Variants in SCN7A observed in about 807,000 individuals in gnomAD.
SCN7A encodes the protein sodium voltage-gated channel alpha subunit 7.
In SCN7A, 138 loss-of-function variants were observed where a neutral mutation model predicts 155.2. The ratio of observed to expected loss-of-function variants is 0.89; its 90% CI spans 0.77 to 1.02. The LOEUF (loss-of-function observed/expected upper bound fraction) is 1.02. SCN7A is among the 50% of genes least tolerant of loss of function. The probability of loss-of-function intolerance (pLI) is 0.00; values close to 1 mark genes in which losing one functional copy is unlikely to be tolerated. For synonymous variants in SCN7A, 693 were observed against 649.0 expected, an observed-to-expected ratio of 1.07 and a Z score of -1.03; for missense variants, 2,058 against 1,986.6, an observed-to-expected ratio of 1.04 and a Z score of -0.68.
chr2:166,435,052 CACAT>C (rs1479343618), intron 15 of SCN7A, among the ~76,000 whole-genome samples: 7 of 151,972 alleles, frequency 4.6e-5, no homozygotes, highest in Non-Finnish European at 8.8e-5. Flanking sequence ...CAAATATACA[CACAT>C]ACATTCATAT....
rs545290541 is a variant in SCN7A, at chr2:166,447,404, T to C, written c.1387+208A>G. On this transcript the variant is annotated intron_variant, in intron 12 of 25. Coordinates refer to ENST00000643258, the MANE Select transcript of SCN7A (RefSeq NM_002976.4). ...TGTTTTTAATGTTAAACAAAGAAAATTATTTGGTACTCTTTGGTCACTCTT... is the reference window on the plus strand; with the variant it reads ...TGTTTTTAATGTTAAACAAAGAAAACTATTTGGTACTCTTTGGTCACTCTT... Among the ~76,000 whole-genome samples the C allele has an allele frequency of 1.4e-3, 207 of 152,180 alleles. 1 individual carries two copies. Among genetic ancestry groups the C allele is most frequent in the Non-Finnish European group, 2.4e-3 (162 of 67,990 alleles).
At chr2:166,420,696 A>C (rs1464498535) in intron 20 of SCN7A, among the ~76,000 whole-genome samples, 1 of 152,046 alleles carries the variant, frequency 6.6e-6, no homozygotes, top group Admixed American at 6.6e-5. Flanking sequence ...TTAACATGTG[A>C]GTGATGAAGA....
intron 2 of SCN7A, among the ~76,000 whole-genome samples, chr2:166,481,418 CA>C (rs895534241): frequency 1.7e-4 from 26 of 151,890 alleles, no homozygotes; most frequent in African/African-American, 3.9e-4. Context: ...AAATTTACTA[CA>C]AAAAAATATA....
intron 16 of SCN7A, 95 bp downstream of exon 16, chr2:166,432,223 G>T: frequency 1.1e-6 from 1 of 886,492 alleles, no homozygotes; most frequent in Non-Finnish European, 1.7e-6. Flanking sequence ...AGAATTGAGT[G>T]GATAATCTGG....
intron 15 of SCN7A, chr2:166,436,421 T>TTCCTGAGGCC (rs1701840704): frequency 2.3e-6 from 1 of 441,640 alleles, no homozygotes; most frequent in African/African-American, 2.0e-5. Flanking sequence ...GATTGTAAGT[T>TTCCTGAGGCC]TCCTGAGGCC....
At chr2:166,416,443 C>T (rs1392681529) in intron 21 of SCN7A, among the ~76,000 whole-genome samples, 3 of 152,126 alleles carry the variant, frequency 2.0e-5, no homozygotes, top group Non-Finnish European at 4.4e-5. Flanking sequence ...ATGTCACCCC[C>T]GGCGGCCCAG....
intron 10 of SCN7A, among the ~76,000 whole-genome samples, chr2:166,459,478 T>C (rs11892533): frequency 0.013 from 1,928 of 152,268 alleles, 48 homozygotes; most frequent in African/African-American, 0.044. Context: ...TTTTGTTCAT[T>C]TCTGTACCCA....
At chr2:166,426,153 C>T (rs547596006) in intron 18 of SCN7A, among the ~76,000 whole-genome samples, 2 of 152,202 alleles carry the variant, frequency 1.3e-5, no homozygotes, top group South Asian at 4.1e-4. Flanking sequence ...CAAAATTTCA[C>T]ACTTGGGAAT....
In SCN7A at chr2:166,477,558, C is replaced by A; in HGVS notation, c.139G>T (p.Gly47Cys). ...CCATAAATAAATGGAAGCTTTTTGC[C>A]AACTTCCAAATCAGGAGTTGGCTTT... ...DLKPTPDLEVGKKLPFIYGNL... is the reference protein window; with the variant it reads ...DLKPTPDLEVCKKLPFIYGNL... The change falls in exon 3 of 26, where the codon GGC becomes TGC. Residue 47 changes from glycine to cysteine, a missense_variant. Gly to Cys is a radical substitution (Grantham distance 159, BLOSUM62 -3). Coordinates refer to ENST00000643258, the MANE Select transcript of SCN7A (RefSeq NM_002976.4). 6.4e-7 allele frequency: 1 copy of A among 1,572,300 alleles called. No homozygotes were observed. The highest frequency in any genetic ancestry group is 8.6e-7 in the Non-Finnish European group (1 of 1,156,654).
At chr2:166,446,950 T>C (rs1702077423) in intron 12 of SCN7A, among the ~76,000 whole-genome samples, 1 of 152,108 alleles carries the variant, frequency 6.6e-6, no homozygotes, top group South Asian at 2.1e-4. Context: ...GGATGATGGG[T>C]TGATGGATGC....
intron 18 of SCN7A, among the ~76,000 whole-genome samples, chr2:166,426,422 A>G (rs1701626455): frequency 6.6e-6 from 1 of 152,022 alleles, no homozygotes; most frequent in African/African-American, 2.4e-5. Context: ...CTTTGCTCCC[A>G]GAATAGGGCA....
chr2:166,465,472 T>C lies in SCN7A; in HGVS notation c.931A>G (p.Thr311Ala). The C allele has an allele frequency of 6.2e-7, 1 of 1,609,212 alleles. No individual in the cohort carries two copies. Among genetic ancestry groups the C allele is most frequent in the Non-Finnish European group, 8.5e-7 (1 of 1,176,946 alleles). ...ERYALLCGNR[T>A]DAGQCPEGYV... ...ACTAATACCACCTACCCAGCATCTG[T>C]CCTGTTGCCACAAAGGAGAGCATAT... is the stretch of plus-strand genomic sequence containing the variant. The change falls in exon 9 of 26, where the codon ACA becomes GCA. Residue 311 changes from threonine to alanine, a missense_variant. Transcript: ENST00000643258.
At chr2:166,406,898 G>A (rs1701088794) in intron 25 of SCN7A, among the ~76,000 whole-genome samples, 1 of 151,910 alleles carries the variant, frequency 6.6e-6, no homozygotes, top group African/African-American at 2.4e-5. Context: ...TCATCTAAGA[G>A]TATTACAGAT....
intron 6 of SCN7A, among the ~76,000 whole-genome samples, chr2:166,470,976 C>T (rs1702642252): frequency 6.6e-6 from 1 of 151,760 alleles, no homozygotes; most frequent in Non-Finnish European, 1.5e-5. Context: ...ATATTCTATA[C>T]TATGTTCATA....
chr2:166,425,851 T>C (rs769984323), intron 18 of SCN7A, among the ~76,000 whole-genome samples: 2 of 152,130 alleles, frequency 1.3e-5, no homozygotes, highest in Non-Finnish European at 2.9e-5. Flanking sequence ...TCAAAGGTTC[T>C]GGGGATTATG....
chr2:166,490,073 A>G (rs1575073126), intron 1 of SCN7A, among the ~76,000 whole-genome samples: 1 of 152,172 alleles, frequency 6.6e-6, no homozygotes, highest in Non-Finnish European at 1.5e-5. Context: ...TAATATATCC[A>G]TTATCTCACA....
intron 9 of SCN7A, 127 bp from the exon 10 acceptor site, chr2:166,462,657 G>T: frequency 2.7e-6 from 2 of 748,628 alleles, no homozygotes; most frequent in Non-Finnish European, 4.1e-6. Context: ...AGTAATGTCT[G>T]CTCCCAAACA....
intron 20 of SCN7A, among the ~76,000 whole-genome samples, chr2:166,418,102 TTAGC>T (rs908781775): frequency 6.9e-4 from 81 of 117,770 alleles, no homozygotes; most frequent in African/African-American, 2.2e-3. Flanking sequence ...TATTTTTCTC[TTAGC>T]TTTTTTATTT....
intron 7 of SCN7A, among the ~76,000 whole-genome samples, chr2:166,470,157 T>C (rs1702622088): frequency 6.6e-6 from 1 of 151,770 alleles, no homozygotes; most frequent in Non-Finnish European, 1.5e-5. Context: ...GGAAGATGAA[T>C]TTTATGGCAT....
Sources: allele counts gnomAD v4.1 joint callset (sites outside exome capture counted in the v4.1 genomes callset), GRCh38; gene constraint gnomAD v4.1.1; transcripts MANE v1.5; gene names NCBI Gene and HGNC (gene_info 2026-07-23, HGNC 2026-07-21).